Variants in LGSN observed in about 807,000 individuals in gnomAD.
LGSN encodes the protein lengsin, lens protein with glutamine synthetase domain, also known as lengsin.
In LGSN, 21 loss-of-function variants were observed where a neutral mutation model predicts 19.5. That is an observed-to-expected ratio of 1.07 (90% CI 0.76 to 1.55). The LOEUF is 1.55. Ranked by LOEUF, LGSN falls within the 40% of genes most tolerant of loss-of-function variation. The pLI, the probability that LGSN is intolerant of heterozygous loss-of-function variation, is 0.00. For missense variants in LGSN, 673 were observed against 608.5 expected (o/e 1.11, Z -1.12); for synonymous variants, 257 against 215.6 (o/e 1.19, Z -1.68).
At chr6:63,432,223 G>GA in the LGSN span, among the ~76,000 whole-genome samples, 7 of 132,588 alleles carry the variant, frequency 5.3e-5, no homozygotes, top group African/African-American at 8.8e-5. Flanking sequence ...GAAAAGAAAA[G>GA]AAACAGCATT....
the LGSN span, among the ~76,000 whole-genome samples, chr6:63,359,800 A>AT: frequency 6.6e-6 from 1 of 152,004 alleles, no homozygotes; most frequent in Non-Finnish European, 1.5e-5. Flanking sequence ...GGATTCATTG[A>AT]TTTTTTGAAG....
At chr6:63,351,436 A>G in the LGSN span, among the ~76,000 whole-genome samples, 1 of 103,878 alleles carries the variant, frequency 9.6e-6, no homozygotes, top group South Asian at 3.1e-4. Context: ...AGAGAGAGGA[A>G]GAGAGAGAGA....
At chr6:63,426,122 G>A in the LGSN span, among the ~76,000 whole-genome samples, 2 of 152,046 alleles carry the variant, frequency 1.3e-5, no homozygotes, top group African/African-American at 4.8e-5. Flanking sequence ...TGAAAAGGTG[G>A]CAGTGCCTTC....
At chr6:63,373,441 C>A in the LGSN span, among the ~76,000 whole-genome samples, 1 of 152,106 alleles carries the variant, frequency 6.6e-6, no homozygotes, top group African/African-American at 2.4e-5. Flanking sequence ...CTGTGATTTT[C>A]CTTACCCGCT....
At chr6:63,384,946 G>C in the LGSN span, among the ~76,000 whole-genome samples, 1 of 152,226 alleles carries the variant, frequency 6.6e-6, no homozygotes, top group Admixed American at 6.5e-5. Flanking sequence ...TAAGCAAACA[G>C]AGGAAAGACT....
At chr6:63,548,871 C>T in the LGSN span, 1 of 774,176 alleles carries the variant, frequency 1.3e-6, no homozygotes, top group Non-Finnish European at 2.3e-6. Context: ...AGCCAAAGCG[C>T]CTTTGTCTTC....
At chr6:63,331,626 G>A in the LGSN span, among the ~76,000 whole-genome samples, 5 of 152,128 alleles carry the variant, frequency 3.3e-5, no homozygotes, top group Non-Finnish European at 7.4e-5. Context: ...GCTCACCAAC[G>A]CAGCAGCAGA....
chr6:63,437,450 C>T, the LGSN span, among the ~76,000 whole-genome samples: 1 of 152,082 alleles, frequency 6.6e-6, no homozygotes, highest in Non-Finnish European at 1.5e-5. Context: ...GAGACAGAGT[C>T]TCACTCTCTC....
chr6:63,314,563 G>A (rs563595231), intron 1 of LGSN, among the ~76,000 whole-genome samples: 1 of 152,336 alleles, frequency 6.6e-6, no homozygotes, highest in African/African-American at 2.4e-5. Flanking sequence ...GTGCCTTTCA[G>A]ATGAGATAAC....
chr6:63,415,586 C>T, the LGSN span, among the ~76,000 whole-genome samples: 7 of 152,184 alleles, frequency 4.6e-5, no homozygotes, highest in Non-Finnish European at 7.3e-5. Flanking sequence ...CCCTCATGAT[C>T]CAATTATTTC....
the LGSN span, among the ~76,000 whole-genome samples, chr6:63,497,707 G>A: frequency 5.3e-5 from 8 of 151,300 alleles, no homozygotes; most frequent in Non-Finnish European, 7.4e-5. Flanking sequence ...AGGAAAGGAG[G>A]ACTACAGAAA....
chr6:63,387,704 AT>A, the LGSN span, among the ~76,000 whole-genome samples: 223 of 146,372 alleles, frequency 1.5e-3, no homozygotes, highest in African/African-American at 3.3e-3. Context: ...TTGATCAATA[AT>A]TTTTTTTTTT....
chr6:63,424,493 C>T, the LGSN span, among the ~76,000 whole-genome samples: 12 of 146,332 alleles, frequency 8.2e-5, no homozygotes, highest in Admixed American at 8.4e-4. Flanking sequence ...TAGTATTGTC[C>T]TGAAACCAAA....
chr6:63,563,513 G>C, the LGSN span, among the ~76,000 whole-genome samples: 1 of 152,180 alleles, frequency 6.6e-6, no homozygotes, highest in Non-Finnish European at 1.5e-5. Flanking sequence ...ACTGTCTAAA[G>C]TAAGTCACCC....
the LGSN span, among the ~76,000 whole-genome samples, chr6:63,544,760 C>T: frequency 1.3e-5 from 2 of 152,140 alleles, no homozygotes; most frequent in Non-Finnish European, 2.9e-5. Context: ...GCAGGAATAT[C>T]TCTGAAGTGA....
At chr6:63,483,807 T>C in the LGSN span, among the ~76,000 whole-genome samples, 55 of 152,042 alleles carry the variant, frequency 3.6e-4, no homozygotes, top group Non-Finnish European at 1.3e-4. Context: ...TTTTCCTTTT[T>C]TTCTTTTCTT....
At chr6:63,353,588 CAAA>C in the LGSN span, among the ~76,000 whole-genome samples, 3,257 of 74,108 alleles carry the variant, frequency 0.044, 102 homozygotes, top group African/African-American at 0.13. Flanking sequence ...CAGTTTGTAG[CAAA>C]AAAAAAAAAA....
chr6:63,462,438 G>A, the LGSN span, among the ~76,000 whole-genome samples: 7 of 152,046 alleles, frequency 4.6e-5, no homozygotes, highest in African/African-American at 1.7e-4. Context: ...TTCGAGACCA[G>A]CCTGGGCAAC....
At chr6:63,493,128 C>A in the LGSN span, among the ~76,000 whole-genome samples, 1 of 152,158 alleles carries the variant, frequency 6.6e-6, no homozygotes, top group Non-Finnish European at 1.5e-5. Flanking sequence ...TATTTTGTCA[C>A]CCCATTATTT....
Sources: gnomAD v4.1 joint callset for allele counts (sites outside exome capture counted in the v4.1 genomes callset) on GRCh38, gnomAD v4.1.1 for gene constraint, MANE v1.5 for transcripts, NCBI Gene and HGNC (gene_info 2026-07-23, HGNC 2026-07-21) for gene names.